OLA1: variants seen among roughly 807,000 people sequenced by gnomAD.
OLA1 encodes Obg like ATPase 1, also known as obg-like ATPase 1.
OLA1 carries 14 observed loss-of-function variants against 48.4 expected under a neutral mutation model. The observed-to-expected ratio is 0.29, with a 90% CI of 0.19 to 0.45. The LOEUF (loss-of-function observed/expected upper bound fraction) is 0.45. Among genes scored for constraint, OLA1 ranks in the 20% least tolerant of loss-of-function variants. The pLI is 1.00. For synonymous variants in OLA1, 127 were observed against 150.4 expected (o/e 0.84, Z 1.14); for missense variants, 325 against 467.1 (o/e 0.70, Z 2.80).
chr2:174,191,356 G>C (rs745937314), intron 4 of OLA1, among the ~76,000 whole-genome samples: 8 of 152,058 alleles, frequency 5.3e-5, no homozygotes, highest in Non-Finnish European at 7.4e-5. Context: ...TTTCAGAAAA[G>C]TCTTCCTAAA....
At chr2:174,215,596 A>T (rs566410053) in intron 4 of OLA1, among the ~76,000 whole-genome samples, 11 of 152,352 alleles carry the variant, frequency 7.2e-5, no homozygotes, top group African/African-American at 2.6e-4. Flanking sequence ...CATGCATAAA[A>T]TATACATAGA....
chr2:174,140,658 C>G (rs555983452), intron 5 of OLA1, among the ~76,000 whole-genome samples: 134 of 151,978 alleles, frequency 8.8e-4, no homozygotes, highest in Non-Finnish European at 1.6e-3. Context: ...TTACCCTGCC[C>G]AAAATCCCCT....
At chr2:174,137,239 G>A (rs1686330309) in intron 5 of OLA1, among the ~76,000 whole-genome samples, 1 of 152,126 alleles carries the variant, frequency 6.6e-6, no homozygotes, top group African/African-American at 2.4e-5. Flanking sequence ...ATGAGCAGTA[G>A]GTCTCAATGA....
At chr2:174,163,505 T>C (rs1277753426) in intron 4 of OLA1, among the ~76,000 whole-genome samples, 1 of 151,382 alleles carries the variant, frequency 6.6e-6, no homozygotes, top group Non-Finnish European at 1.5e-5. Context: ...CTGGCCAACA[T>C]GGTGAAACCC....
At chr2:174,110,598 T>A (rs1319824154) in intron 7 of OLA1, among the ~76,000 whole-genome samples, 1 of 151,730 alleles carries the variant, frequency 6.6e-6, no homozygotes, top group East Asian at 1.9e-4. Context: ...GTGCAGGCCA[T>A]CACAAGAGGC....
intron 7 of OLA1, among the ~76,000 whole-genome samples, chr2:174,091,471 C>T (rs1458505679): frequency 3.3e-5 from 5 of 152,174 alleles, no homozygotes; most frequent in Non-Finnish European, 7.3e-5. Context: ...GTTAAATTAT[C>T]TCTTTCAGAT....
At chr2:174,123,360 T>C in intron 6 of OLA1, 83 bp from the exon 7 acceptor site, 1 of 673,660 alleles carries the variant, frequency 1.5e-6, no homozygotes, top group Non-Finnish European at 2.4e-6. Flanking sequence ...AAAGTAAACA[T>C]TCCTTAAAAC....
At chr2:174,146,335 A>C (rs1686598347) in intron 4 of OLA1, among the ~76,000 whole-genome samples, 1 of 152,206 alleles carries the variant, frequency 6.6e-6, no homozygotes, top group Non-Finnish European at 1.5e-5. Flanking sequence ...CTACTTTAAA[A>C]AGAACAGATT....
chr2:174,189,236 G>C (rs1687723710), intron 4 of OLA1, among the ~76,000 whole-genome samples: 1 of 151,938 alleles, frequency 6.6e-6, no homozygotes, highest in African/African-American at 2.4e-5. Context: ...AATAATAAAA[G>C]TACTGAAAGA....
intron 4 of OLA1, among the ~76,000 whole-genome samples, chr2:174,212,087 C>T (rs1688258781): frequency 6.6e-6 from 1 of 152,106 alleles, no homozygotes; most frequent in Admixed American, 6.5e-5. Context: ...AATGGGGACA[C>T]ATCTGAGAAA....
At chr2:174,092,382 G>A (rs1685149180) in intron 7 of OLA1, among the ~76,000 whole-genome samples, 1 of 152,042 alleles carries the variant, frequency 6.6e-6, no homozygotes, top group South Asian at 2.1e-4. Context: ...TTTAGGGCCA[G>A]GTATCTGGGT....
intron 6 of OLA1, 57 bp downstream of exon 6, chr2:174,123,538 G>T (rs1685970145): frequency 9.7e-7 from 1 of 1,025,808 alleles, no homozygotes; most frequent in East Asian, 2.5e-5. Context: ...ACTCTAATTT[G>T]TTCCCTAGCA....
intron 7 of OLA1, among the ~76,000 whole-genome samples, chr2:174,113,826 T>A (rs1254196981): frequency 1.3e-5 from 2 of 152,180 alleles, no homozygotes; most frequent in Non-Finnish European, 2.9e-5. Context: ...AATGGATCTA[T>A]TTCTACCACT....
At chr2:174,149,950 C>T (rs12693034) in intron 4 of OLA1, among the ~76,000 whole-genome samples, 80,801 of 151,986 alleles carry the variant, frequency 0.53, 22,067 homozygotes, top group East Asian at 0.95. Context: ...ACTTGGGTTG[C>T]ATTCAGTTTC....
intron 10 of OLA1, among the ~76,000 whole-genome samples, chr2:174,078,484 T>C (rs1021298685): frequency 1.3e-5 from 2 of 151,972 alleles, no homozygotes; most frequent in African/African-American, 4.8e-5. Context: ...GGACCTGCCC[T>C]CTAGTGTTGA....
chr2:174,113,007 C>T (rs1685690984), intron 7 of OLA1, among the ~76,000 whole-genome samples: 2 of 152,174 alleles, frequency 1.3e-5, no homozygotes, highest in African/African-American at 4.8e-5. Context: ...ATGGCATGAT[C>T]TTGACTCACT....
chr2:174,158,820 C>T (rs113038110), intron 4 of OLA1, among the ~76,000 whole-genome samples: 4 of 152,112 alleles, frequency 2.6e-5, no homozygotes, highest in South Asian at 2.1e-4. Context: ...AAAATCAGAA[C>T]GAAAAAACTA....
intron 7 of OLA1, 29 bp downstream of exon 7, chr2:174,123,151 C>A: frequency 1.0e-6 from 1 of 1,003,482 alleles, no homozygotes; most frequent in South Asian, 1.3e-5. Context: ...GATGATGCAT[C>A]TGGGTATATC....
chr2:174,190,641 T>C (rs1053439708), intron 4 of OLA1, among the ~76,000 whole-genome samples: 1 of 151,998 alleles, frequency 6.6e-6, no homozygotes, highest in Non-Finnish European at 1.5e-5. Flanking sequence ...ACCTGAAAGT[T>C]ACAAGCACAA....
Sources: allele counts gnomAD v4.1 joint callset (sites outside exome capture counted in the v4.1 genomes callset), GRCh38; gene constraint gnomAD v4.1.1; transcripts MANE v1.5; gene names NCBI Gene and HGNC (gene_info 2026-07-23, HGNC 2026-07-21).